SASH1: variants seen among roughly 807,000 people sequenced by gnomAD.
SASH1 encodes the protein SAM and SH3 domain containing 1, also known as SAM and SH3 domain-containing protein 1.
SASH1 carries 44 observed loss-of-function variants against 125.2 expected under a neutral mutation model. That is an observed-to-expected ratio of 0.35 (90% CI 0.28 to 0.45). The LOEUF (loss-of-function observed/expected upper bound fraction) is 0.45, where lower values mean the gene tolerates loss of function less well. Ranked by LOEUF, SASH1 falls within the 20% of genes least tolerant of loss-of-function variation. The pLI is 1.00. For synonymous variants in SASH1, 639 were observed against 649.1 expected (o/e 0.98, Z 0.24); for missense variants, 1,426 against 1,614.5 (o/e 0.88, Z 2.00).
chr6:148,228,309 C>T, the SASH1 span, among the ~76,000 whole-genome samples: 3 of 152,014 alleles, frequency 2.0e-5, no homozygotes, highest in African/African-American at 7.3e-5. Context: ...TTTACTTATC[C>T]GTTATTTCTA....
At chr6:148,454,911 T>C (rs1777265847) in intron 4 of SASH1, among the ~76,000 whole-genome samples, 1 of 152,190 alleles carries the variant, frequency 6.6e-6, no homozygotes, top group Non-Finnish European at 1.5e-5. Context: ...GACAACGCAG[T>C]CCCCAACCTC....
chr6:148,395,145 A>G (rs1019395224), intron 2 of SASH1, among the ~76,000 whole-genome samples: 8 of 152,176 alleles, frequency 5.3e-5, no homozygotes, highest in Non-Finnish European at 1.2e-4. Context: ...GGGGACAGAG[A>G]ATTTTGGGTG....
At chr6:148,534,638 T>A in intron 15 of SASH1, 113 bp from the exon 16 acceptor site, 3 of 1,022,004 alleles carry the variant, frequency 2.9e-6, no homozygotes, top group Non-Finnish European at 4.6e-6. Flanking sequence ...AATCTTTTGA[T>A]TAGCCTGAAG....
chr6:148,361,756 G>A lies in SASH1; in HGVS notation c.156+18533G>A, dbSNP rs546729064. On this transcript the variant is annotated intron_variant, in intron 1 of 19. Coordinates refer to ENST00000367467, the MANE Select transcript of SASH1 (RefSeq NM_015278.5). ...CCCTGGCCATGGCAGCATAGAAACCGACTCAGGAAACATTTATCAGGTATG... is the reference window on the plus strand; with the variant it reads ...CCCTGGCCATGGCAGCATAGAAACCAACTCAGGAAACATTTATCAGGTATG... Among the ~76,000 whole-genome samples the A allele has an allele frequency of 3.9e-5, 6 of 152,134 alleles. No individual in the cohort carries two copies. The East Asian group carries it at 5.8e-4, about 15-fold the overall frequency.
At chr6:148,254,519 A>G in the SASH1 span, among the ~76,000 whole-genome samples, 1 of 152,210 alleles carries the variant, frequency 6.6e-6, no homozygotes. Flanking sequence ...CAAAATGCCC[A>G]TTAAAAAATA....
chr6:148,404,153 G>A (rs1784283401), intron 2 of SASH1, among the ~76,000 whole-genome samples: 1 of 152,100 alleles, frequency 6.6e-6, no homozygotes, highest in Non-Finnish European at 1.5e-5. Context: ...ACACTCTTGG[G>A]TTTTAAAAAT....
the SASH1 span, among the ~76,000 whole-genome samples, chr6:148,233,147 G>A: frequency 1.3e-5 from 2 of 151,588 alleles, no homozygotes; most frequent in African/African-American, 2.4e-5. Flanking sequence ...CCAGGAGGCG[G>A]AGGTTGCAGT....
intron 2 of SASH1, among the ~76,000 whole-genome samples, chr6:148,438,798 A>G (rs35774187): frequency 0.23 from 34,756 of 150,504 alleles, 4,712 homozygotes; most frequent in East Asian, 0.36. Context: ...CACTCCCAAC[A>G]GTTTACCCAA....
intron 1 of SASH1, among the ~76,000 whole-genome samples, chr6:148,328,874 C>G (rs1780913089): frequency 1.3e-5 from 2 of 152,094 alleles, no homozygotes; most frequent in African/African-American, 2.4e-5. Context: ...AAAAGTAGCT[C>G]TTTTTTGGAG....
the SASH1 span, among the ~76,000 whole-genome samples, chr6:148,260,454 A>G: frequency 6.6e-6 from 1 of 151,984 alleles, no homozygotes; most frequent in Non-Finnish European, 1.5e-5. Context: ...AAAAAAATCA[A>G]AAAGTTAGCC....
intron 8 of SASH1, among the ~76,000 whole-genome samples, chr6:148,500,783 ATTGTTTGTTTGT>A (rs757483732): frequency 6.6e-6 from 1 of 150,478 alleles, no homozygotes; most frequent in Non-Finnish European, 1.5e-5. Context: ...TTAGTGTTTT[ATTGTTTGTTTGT>A]TTGTTTGTTT....
At chr6:148,207,231 C>A in the SASH1 span, among the ~76,000 whole-genome samples, 16 of 152,302 alleles carry the variant, frequency 1.1e-4, no homozygotes, top group East Asian at 2.9e-3. Context: ...CATTTGCCAG[C>A]GCAGTATACC....
chr6:148,539,923 T>A (rs1185627074), intron 16 of SASH1, among the ~76,000 whole-genome samples: 1 of 152,178 alleles, frequency 6.6e-6, no homozygotes. Flanking sequence ...AGAATGCTCC[T>A]AAATGCTAAT....
the SASH1 span, among the ~76,000 whole-genome samples, chr6:148,242,500 A>G: frequency 7.9e-5 from 12 of 152,326 alleles, no homozygotes; most frequent in South Asian, 2.1e-4. Context: ...CTAGTGTTCA[A>G]TCTTTCTCAA....
At chr6:148,370,572 C>G (rs1782667405) in intron 1 of SASH1, among the ~76,000 whole-genome samples, 1 of 152,018 alleles carries the variant, frequency 6.6e-6, no homozygotes, top group Admixed American at 6.6e-5. Flanking sequence ...GCCTGTAATC[C>G]CAGCACTTTG....
At chr6:148,534,548 C>G (rs1460890773) in intron 15 of SASH1, among the ~76,000 whole-genome samples, 1 of 152,180 alleles carries the variant, frequency 6.6e-6, no homozygotes, top group African/African-American at 2.4e-5. Context: ...TCTTCCTAAC[C>G]CATGATTAAT....
At chr6:148,332,491 T>C (rs1342529466) in intron 1 of SASH1, among the ~76,000 whole-genome samples, 1 of 152,124 alleles carries the variant, frequency 6.6e-6, no homozygotes, top group Non-Finnish European at 1.5e-5. Context: ...TTTAAATGAA[T>C]CTGTGTTCCT....
intron 1 of SASH1, among the ~76,000 whole-genome samples, chr6:148,386,677 C>T (rs576499103): frequency 2.0e-5 from 3 of 152,282 alleles, no homozygotes; most frequent in East Asian, 1.9e-4. Context: ...GACAGCATCA[C>T]GTTCCTGAGA....
At chr6:148,465,548 GAAAA>G (rs564107121) in intron 4 of SASH1, among the ~76,000 whole-genome samples, 27 of 100,836 alleles carry the variant, frequency 2.7e-4, no homozygotes, top group East Asian at 1.7e-3. Context: ...GTCTCCAGGA[GAAAA>G]AAAAAAAAAA....
Sources: allele counts gnomAD v4.1 joint callset (sites outside exome capture counted in the v4.1 genomes callset), GRCh38; gene constraint gnomAD v4.1.1; transcripts MANE v1.5; gene names NCBI Gene and HGNC (gene_info 2026-07-23, HGNC 2026-07-21).